WWOX: variants seen among roughly 807,000 people sequenced by gnomAD.
WWOX encodes the protein WW domain-containing oxidoreductase.
Under a neutral mutation model 46.2 loss-of-function variants are expected in WWOX, and 69 were observed. That is an observed-to-expected ratio of 1.49 (90% CI 1.23 to 1.82). The LOEUF (loss-of-function observed/expected upper bound fraction) is 1.82. Ranked by LOEUF, WWOX falls within the 40% of genes most tolerant of loss-of-function variation. The pLI is 0.00. For missense variants in WWOX, 919 were observed against 542.6 expected, an observed-to-expected ratio of 1.69 and a Z score of -6.89; for synonymous variants, 359 against 202.6, an observed-to-expected ratio of 1.77 and a Z score of -6.56.
chr16:78,926,391 C>G (rs534014113), intron 8 of WWOX, among the ~76,000 whole-genome samples: 1 of 151,482 alleles, frequency 6.6e-6, no homozygotes, highest in South Asian at 2.1e-4. Context: ...AAAAAAAGTT[C>G]CTAAGAAAAT....
chr16:78,657,435 G>C (rs1236134473), intron 8 of WWOX, among the ~76,000 whole-genome samples: 1 of 152,068 alleles, frequency 6.6e-6, no homozygotes, highest in Non-Finnish European at 1.5e-5. Context: ...GAACAATATT[G>C]GACAAGCTTG....
chr16:78,114,635 G>A (rs528731699), intron 3 of WWOX, among the ~76,000 whole-genome samples: 1 of 151,474 alleles, frequency 6.6e-6, no homozygotes, highest in African/African-American at 2.5e-5. Flanking sequence ...AAGAGTGGCT[G>A]ACAGATCTTA....
chr16:78,252,977 C>T lies in WWOX; in HGVS notation c.516+88688C>T, dbSNP rs142820271. Among the ~76,000 whole-genome samples the T allele has an allele frequency of 7.4e-3, 1,125 of 152,274 alleles. 20 individuals carry two copies. Among genetic ancestry groups the T allele is most frequent in the Middle Eastern group, 0.024 (7 of 292 alleles). On this transcript the variant is annotated intron_variant, in intron 5 of 8. Transcript: ENST00000566780. ...TATTCAGCATAGGGGCTGATAGAAA[C>T]GCAAACAGTGGCAGTAATATCATCT...
chr16:78,665,443 G>A (rs2047308335), intron 8 of WWOX, among the ~76,000 whole-genome samples: 1 of 152,112 alleles, frequency 6.6e-6, no homozygotes, highest in Non-Finnish European at 1.5e-5. Flanking sequence ...TGGGCACATG[G>A]GAAGGCCGTA....
intron 8 of WWOX, among the ~76,000 whole-genome samples, chr16:78,923,015 C>T (rs1408680524): frequency 8.5e-5 from 10 of 117,932 alleles, no homozygotes; most frequent in African/African-American, 2.4e-4. Flanking sequence ...GAGTTTTGCT[C>T]TTATTGCCCA....
intron 8 of WWOX, among the ~76,000 whole-genome samples, chr16:78,668,228 C>A (rs1386271970): frequency 6.6e-6 from 1 of 152,132 alleles, no homozygotes; most frequent in Non-Finnish European, 1.5e-5. Flanking sequence ...TGCAGTCAGC[C>A]GAGATCTATG....
At chr16:78,883,194 G>A (rs899325135) in intron 8 of WWOX, among the ~76,000 whole-genome samples, 2 of 152,162 alleles carry the variant, frequency 1.3e-5, no homozygotes, top group Non-Finnish European at 2.9e-5. Flanking sequence ...TGTGATTGTG[G>A]TTGTTGTGGA....
chr16:78,305,797 A>G (rs2151870311), intron 5 of WWOX, among the ~76,000 whole-genome samples: 1 of 152,318 alleles, frequency 6.6e-6, no homozygotes, highest in South Asian at 2.1e-4. Flanking sequence ...CGGTGACCTG[A>G]AACCCATCAT....
intron 8 of WWOX, among the ~76,000 whole-genome samples, chr16:78,655,816 G>A (rs1358643246): frequency 6.6e-6 from 1 of 152,200 alleles, no homozygotes; most frequent in Non-Finnish European, 1.5e-5. Flanking sequence ...TTATTTAGAA[G>A]TTAGTCTATA....
intron 8 of WWOX, among the ~76,000 whole-genome samples, chr16:78,537,699 T>A (rs2043792800): frequency 6.6e-6 from 1 of 152,178 alleles, no homozygotes; most frequent in African/African-American, 2.4e-5. Context: ...GGGTCCCAGC[T>A]GCCACAGTTC....
rs370276317 is a variant in WWOX, at chr16:78,517,853, CTAT to C, written c.1056+85103_1056+85105del. ...AAAAAAAAGAATGATGTTACACAAC[CTAT>C]TTTTTTTTTTTTTTTTTTTTTTTAC... On this transcript the variant is annotated intron_variant, in intron 8 of 8. Coordinates refer to ENST00000566780, the MANE Select transcript of WWOX (RefSeq NM_016373.4). Among the ~76,000 whole-genome samples the C allele has an allele frequency of 2.2e-4, 27 of 121,834 alleles. No individual in the cohort carries two copies. The South Asian group carries it at 6.7e-3, about 30-fold the overall frequency. The allele number at this position is 121,834 out of a possible 152,430, so 79.9% of individuals were successfully genotyped here. A position where few individuals can be genotyped will look rare whatever the true frequency, so the allele number is the denominator to read the frequency against.
At chr16:79,028,465 G>C (rs1280747786) in intron 8 of WWOX, among the ~76,000 whole-genome samples, 1 of 151,702 alleles carries the variant, frequency 6.6e-6, no homozygotes, top group African/African-American at 2.4e-5. Context: ...CTGAAGAGTT[G>C]ATAAAAAAGC....
intron 5 of WWOX, among the ~76,000 whole-genome samples, chr16:78,332,024 A>AT (rs2080769294): frequency 6.6e-6 from 1 of 152,180 alleles, no homozygotes; most frequent in African/African-American, 2.4e-5. Context: ...TTGGAACGCC[A>AT]TTTAGCTGCT....
At chr16:78,519,618 C>G (rs75791067) in intron 8 of WWOX, among the ~76,000 whole-genome samples, 6,628 of 152,096 alleles carry the variant, frequency 0.044, 173 homozygotes, top group East Asian at 0.16. Context: ...AAGGTCGTGA[C>G]GGTACTACAA....
intron 8 of WWOX, among the ~76,000 whole-genome samples, chr16:79,007,674 T>A (rs150390383): frequency 2.6e-5 from 4 of 152,226 alleles, no homozygotes; most frequent in African/African-American, 7.2e-5. Flanking sequence ...AGCACTGTTA[T>A]CAGATGAAGA....
At chr16:78,373,627 T>A (rs1234373849) in intron 5 of WWOX, among the ~76,000 whole-genome samples, 1 of 147,788 alleles carries the variant, frequency 6.8e-6, no homozygotes, top group Non-Finnish European at 1.5e-5. Context: ...TTAAACAGCA[T>A]AGAACTATTT....
rs1157063029 is a variant in WWOX at position 78,344,026 on chromosome 16, C to G, written c.517-42834C>G. ...GGCTCCTTCCTCCCACATCACCCCA[C>G]ATTTTTTTTTCTTTCTCCTCACCAT... On this transcript the variant is annotated intron_variant, in intron 5 of 8. Coordinates refer to ENST00000566780, the MANE Select transcript of WWOX (RefSeq NM_016373.4). 4.2e-5 allele frequency among the ~76,000 whole-genome samples: 5 copies of G among 119,448 alleles called. 1 individual carries two copies. The highest frequency in any genetic ancestry group is 9.9e-5 in the Non-Finnish European group (5 of 50,252). 78.4% of individuals were successfully genotyped at this position (119,448 alleles called of 152,430 possible).
chr16:78,904,069 G>A (rs1043098228), intron 8 of WWOX, among the ~76,000 whole-genome samples: 3 of 152,110 alleles, frequency 2.0e-5, no homozygotes, highest in Admixed American at 6.5e-5. Context: ...GGAACACCAC[G>A]TACAAAAGGG....
At chr16:78,802,102 G>T (rs942789468) in intron 8 of WWOX, among the ~76,000 whole-genome samples, 3 of 151,796 alleles carry the variant, frequency 2.0e-5, no homozygotes, top group Non-Finnish European at 2.9e-5. Flanking sequence ...CAAGGAATGT[G>T]CCTGTGCGTG....
Sources: gnomAD v4.1 joint callset for allele counts (sites outside exome capture counted in the v4.1 genomes callset) on GRCh38, gnomAD v4.1.1 for gene constraint, MANE v1.5 for transcripts, NCBI Gene and HGNC (gene_info 2026-07-23, HGNC 2026-07-21) for gene names.